Variants in VWA8 observed in about 807,000 individuals in gnomAD.
The protein encoded by VWA8 is von Willebrand factor A domain-containing protein 8.
VWA8 carries 221 observed loss-of-function variants against 241.5 expected under a neutral mutation model. That is an observed-to-expected ratio of 0.91 (90% CI 0.82 to 1.02). The LOEUF is 1.02. VWA8 is among the 50% of genes least tolerant of loss of function. The pLI, the probability that VWA8 is intolerant of heterozygous loss-of-function variation, is 0.00. For synonymous variants in VWA8, 852 were observed against 827.1 expected (o/e 1.03, Z -0.52); for missense variants, 2,322 against 2,328.7 (o/e 1.00, Z 0.06).
chr13:41,823,161 T>C (rs1425327245), intron 14 of VWA8, among the ~76,000 whole-genome samples: 1 of 152,126 alleles, frequency 6.6e-6, no homozygotes, highest in Non-Finnish European at 1.5e-5. Context: ...TGCAAAGAAA[T>C]ACCAAGATTT....
chr13:41,636,486 C>G (rs1411059989), intron 37 of VWA8, among the ~76,000 whole-genome samples: 2 of 152,110 alleles, frequency 1.3e-5, no homozygotes, highest in Non-Finnish European at 2.9e-5. Context: ...AGAAGAAAAC[C>G]TAGGCAATAC....
intron 2 of VWA8, among the ~76,000 whole-genome samples, chr13:41,938,872 A>G (rs1331252013): frequency 6.6e-6 from 1 of 152,198 alleles, no homozygotes; most frequent in African/African-American, 2.4e-5. Context: ...AAATTGACAA[A>G]TAGCTGCAAT....
chr13:41,595,741 T>C (rs763362975), intron 40 of VWA8, among the ~76,000 whole-genome samples: 6 of 152,146 alleles, frequency 3.9e-5, no homozygotes, highest in Non-Finnish European at 7.4e-5. Flanking sequence ...TTTGTCACAA[T>C]TTACCCATTC....
chr13:41,724,526 C>T (rs1361036843), intron 24 of VWA8, among the ~76,000 whole-genome samples: 1 of 151,978 alleles, frequency 6.6e-6, no homozygotes, highest in East Asian at 1.9e-4. Flanking sequence ...GGAGGGACTC[C>T]CTCTAGATGG....
chr13:41,780,353 C>T (rs1358771874), intron 19 of VWA8, among the ~76,000 whole-genome samples: 1 of 152,150 alleles, frequency 6.6e-6, no homozygotes. Flanking sequence ...TTGTTATTCC[C>T]CAGTCACCTA....
chr13:41,743,867 A>C (rs1307121767), intron 21 of VWA8, among the ~76,000 whole-genome samples: 5 of 152,186 alleles, frequency 3.3e-5, no homozygotes, highest in Non-Finnish European at 7.3e-5. Flanking sequence ...GAACTCAATA[A>C]AAGTTTGTTG....
intron 22 of VWA8, among the ~76,000 whole-genome samples, chr13:41,730,859 A>G (rs2045477346): frequency 6.6e-6 from 1 of 151,928 alleles, no homozygotes; most frequent in Non-Finnish European, 1.5e-5. Flanking sequence ...ATTTTAAACC[A>G]TATTTTTAAA....
At chr13:41,842,979 A>C (rs531228139) in intron 12 of VWA8, among the ~76,000 whole-genome samples, 2 of 152,298 alleles carry the variant, frequency 1.3e-5, no homozygotes, top group African/African-American at 2.4e-5. Context: ...TACTGGGTAA[A>C]ATGTAAATTG....
chr13:41,685,178 G>T lies in VWA8; in HGVS notation c.4196C>A (p.Thr1399Lys), dbSNP rs1347122024. 2 of 1,613,492 alleles carry T rather than the reference G, an allele frequency of 1.2e-6. No homozygotes were observed. Among genetic ancestry groups the T allele is most frequent in the South Asian group, 2.2e-5 (2 of 91,060 alleles). ...TTTCTTCTTTCCTCTATAGAATGAT[G>T]TATCAGTGCCACTTCGTTTATGCAA... ...SSLHKRSGTD[T>K]SFYRGKKKRG... The change falls in exon 35 of 45, where the codon ACA becomes AAA. Residue 1399 changes from threonine (T) to lysine (K), a missense_variant. By Grantham distance (78) the Thr-to-Lys change is moderately conservative (BLOSUM62 -1). Coordinates refer to ENST00000379310, the MANE Select transcript of VWA8 (RefSeq NM_015058.2).
chr13:41,842,794 TCTTAAAGTC>T (rs1483060528), intron 12 of VWA8, among the ~76,000 whole-genome samples: 1 of 152,202 alleles, frequency 6.6e-6, no homozygotes, highest in Non-Finnish European at 1.5e-5. Flanking sequence ...AAACATCATT[TCTTAAAGTC>T]TGTGCAGCTA....
At chr13:41,847,909 A>G (rs568612108) in intron 12 of VWA8, among the ~76,000 whole-genome samples, 14 of 152,352 alleles carry the variant, frequency 9.2e-5, no homozygotes, top group African/African-American at 3.4e-4. Context: ...TCAAATGACA[A>G]AACTGATGAG....
At chr13:41,595,158 C>CA (rs1192239189) in intron 40 of VWA8, among the ~76,000 whole-genome samples, 1 of 152,182 alleles carries the variant, frequency 6.6e-6, no homozygotes, top group Non-Finnish European at 1.5e-5. Flanking sequence ...ATGTAACTCT[C>CA]AGTTTTGTTC....
At chr13:41,741,091 A>T (rs1437439125) in intron 21 of VWA8, among the ~76,000 whole-genome samples, 2 of 152,140 alleles carry the variant, frequency 1.3e-5, no homozygotes, top group Non-Finnish European at 2.9e-5. Flanking sequence ...TTACGTACTT[A>T]ACACTATGTA....
intron 12 of VWA8, among the ~76,000 whole-genome samples, chr13:41,835,051 G>C: frequency 6.6e-6 from 1 of 152,280 alleles, no homozygotes; most frequent in Non-Finnish European, 1.5e-5. Flanking sequence ...TGCACACATG[G>C]TGGGGAACAA....
At chr13:41,828,657 C>G (rs540531586) in intron 14 of VWA8, among the ~76,000 whole-genome samples, 1 of 152,254 alleles carries the variant, frequency 6.6e-6, no homozygotes, top group East Asian at 1.9e-4. Flanking sequence ...TGTTTATACA[C>G]ACACACATAC....
Position 41,819,204 on chromosome 13 carries a change from G to T in VWA8, c.1869+14C>A, listed in dbSNP as rs1452263415. 3.8e-6 allele frequency: 6 copies of T among 1,589,970 alleles called. No homozygotes were observed. Among genetic ancestry groups the T allele is most frequent in the Non-Finnish European group, 5.1e-6 (6 of 1,172,934 alleles). On this transcript the variant is annotated intron_variant, in intron 15 of 44. Coordinates refer to ENST00000379310, the MANE Select transcript of VWA8 (RefSeq NM_015058.2). ...CTTTTTAAGAAAATAGACTAAGATT[G>T]GCTTTCTTCTTACCTTTTCCTTAAT...
At chr13:41,784,693 T>C (rs1376882180) in intron 18 of VWA8, among the ~76,000 whole-genome samples, 1 of 59,528 alleles carries the variant, frequency 1.7e-5, no homozygotes, top group Non-Finnish European at 3.4e-5. Flanking sequence ...TACATATACA[T>C]ATACATATAT....
At chr13:41,660,832 G>A (rs1593681147) in intron 37 of VWA8, among the ~76,000 whole-genome samples, 1 of 151,320 alleles carries the variant, frequency 6.6e-6, no homozygotes, top group East Asian at 1.9e-4. Flanking sequence ...AAAGGAAAGA[G>A]TATTAGGGAT....
chr13:41,901,108 ATTTT>A (rs34752001), intron 4 of VWA8, among the ~76,000 whole-genome samples: 3 of 123,568 alleles, frequency 2.4e-5, no homozygotes, highest in African/African-American at 3.0e-5. Context: ...CATGATCATC[ATTTT>A]TTTTTTTTTT....
Sources: allele counts gnomAD v4.1 joint callset (sites outside exome capture counted in the v4.1 genomes callset), GRCh38; gene constraint gnomAD v4.1.1; transcripts MANE v1.5; gene names NCBI Gene and HGNC (gene_info 2026-07-23, HGNC 2026-07-21).